Variants in FXR1 observed in about 807,000 individuals in gnomAD.
The protein encoded by FXR1 is FMR1 autosomal homolog 1.
FXR1 carries 15 observed loss-of-function variants against 84.0 expected under a neutral mutation model. The observed-to-expected ratio is 0.18, with a 90% confidence interval of 0.12 to 0.27. The LOEUF is 0.27. Among genes scored for constraint, FXR1 ranks in the 10% least tolerant of loss-of-function variants. FXR1 has a pLI of 1.00. For missense variants in FXR1, 480 were observed against 774.4 expected, an observed-to-expected ratio of 0.62 and a Z score of 4.51; for synonymous variants, 245 against 250.7, an observed-to-expected ratio of 0.98 and a Z score of 0.21.
At chr3:180,929,531 T>C (rs1455073996) in intron 1 of FXR1, among the ~76,000 whole-genome samples, 1 of 152,164 alleles carries the variant, frequency 6.6e-6, no homozygotes, top group Non-Finnish European at 1.5e-5. Context: ...CTGAGAAATA[T>C]GGGACCTGAG....
rs1448782885 is a variant in FXR1, at chr3:180,912,739, A to G, written c.51+3A>G. The G allele has an allele frequency of 6.2e-7, 1 of 1,614,038 alleles. No individual in the cohort carries two copies. The highest frequency in any genetic ancestry group is 2.2e-5 in the East Asian group (1 of 44,858). On this transcript the variant is annotated splice_donor_region_variant and intron_variant, in intron 1 of 16. Coordinates refer to ENST00000357559, the MANE Select transcript of FXR1 (RefSeq NM_005087.4). Reference sequence around the variant, plus strand: ...GCTCTAACGGGGCTTTCTACAAGGTACTGACCGTTTTGCCACTTTGTCGAG... The same window carrying G: ...GCTCTAACGGGGCTTTCTACAAGGTGCTGACCGTTTTGCCACTTTGTCGAG...
chr3:180,952,293 C>T (rs1722302743), intron 8 of FXR1, among the ~76,000 whole-genome samples: 1 of 152,106 alleles, frequency 6.6e-6, no homozygotes, highest in Non-Finnish European at 1.5e-5. Flanking sequence ...TGTGTCTTGA[C>T]TTTTCATACA....
chr3:180,970,383 A>AATAAATAAAT (rs1713379006), intron 15 of FXR1, 25 bp downstream of exon 15: 1 of 366,380 alleles, frequency 2.7e-6, no homozygotes, highest in African/African-American at 3.0e-5. Flanking sequence ...AGGGAAGAGA[A>AATAAATAAAT]ATATATATAT....
At chr3:180,917,695 T>G (rs1348330771) in intron 1 of FXR1, among the ~76,000 whole-genome samples, 4 of 152,090 alleles carry the variant, frequency 2.6e-5, no homozygotes, top group Non-Finnish European at 5.9e-5. Flanking sequence ...ATGCCTGTAA[T>G]CCCAGCACTT....
Position 180,976,874 on chromosome 3 carries a change from C to T in FXR1, c.*582C>T, listed in dbSNP as rs982658178. On this transcript the variant is annotated 3_prime_UTR_variant, in exon 17 of 17. Transcript: ENST00000357559. ...GACACTGGGCGATACTTGGCAGTGA[C>T]TGTTCTACCTTGAGGCTTTGTTTGG... is the stretch of plus-strand genomic sequence containing the variant. 2.0e-5 allele frequency: 3 copies of T among 152,592 alleles called. No individual in the cohort carries two copies. Among genetic ancestry groups the T allele is most frequent in the African/African-American group, 7.2e-5 (3 of 41,440 alleles). 9.5% of individuals were successfully genotyped at this position (152,592 alleles called of 1,614,324 possible).
chr3:180,924,997 A>T (rs1718998084), intron 1 of FXR1, among the ~76,000 whole-genome samples: 1 of 152,234 alleles, frequency 6.6e-6, no homozygotes. Context: ...ATTCATATTC[A>T]GATACCTGTG....
chr3:180,961,447 C>CTTT, intron 10 of FXR1, 21 bp from the exon 11 acceptor site: 5 of 1,039,106 alleles, frequency 4.8e-6, no homozygotes, highest in Non-Finnish European at 5.6e-6. Context: ...ACACTGAATA[C>CTTT]TTTTTTTTTT....
At chr3:180,939,595 C>T (rs1420978722) in intron 3 of FXR1, among the ~76,000 whole-genome samples, 5 of 152,156 alleles carry the variant, frequency 3.3e-5, no homozygotes, top group Non-Finnish European at 1.5e-5. Context: ...AGCCCGGGAG[C>T]TCTACCATCA....
chr3:180,952,829 T>C (rs529696478), intron 8 of FXR1, among the ~76,000 whole-genome samples: 2 of 77,960 alleles, frequency 2.6e-5, no homozygotes, highest in South Asian at 8.1e-4. Context: ...TTTTATTTGC[T>C]TTTTTTTTTT....
intron 1 of FXR1, among the ~76,000 whole-genome samples, chr3:180,925,984 A>C (rs1341739267): frequency 2.0e-5 from 3 of 152,232 alleles, no homozygotes; most frequent in African/African-American, 7.2e-5. Context: ...ACTATCTAAC[A>C]AACAGCCCAG....
At chr3:180,919,385 C>T (rs1263068434) in intron 1 of FXR1, among the ~76,000 whole-genome samples, 8 of 147,064 alleles carry the variant, frequency 5.4e-5, no homozygotes, top group African/African-American at 2.0e-4. Flanking sequence ...CCTGGGTTCA[C>T]GTGATTCTCA....
In FXR1 at chr3:180,957,802, G is replaced by C; in HGVS notation, c.881-17G>C. On this transcript the variant is annotated splice_polypyrimidine_tract_variant and intron_variant, in intron 9 of 16. Transcript: ENST00000357559. The stretch of plus-strand genomic sequence containing the variant: ...TGAGTTTTAGCTTACCATTGTATTT[G>C]TTTTCTCTTACTAAAGGAAAAGTAA... 8.5e-7 allele frequency: 1 copy of C among 1,170,360 alleles called. No homozygotes were observed. The allele number at this position is 1,170,360 out of a possible 1,614,324, so 72.5% of individuals were successfully genotyped here.
At chr3:180,913,790 C>T (rs946687675) in intron 1 of FXR1, among the ~76,000 whole-genome samples, 6 of 152,318 alleles carry the variant, frequency 3.9e-5, no homozygotes, top group Non-Finnish European at 7.3e-5. Context: ...TCTCACTAAG[C>T]CAGCATCTCA....
intron 1 of FXR1, among the ~76,000 whole-genome samples, chr3:180,927,394 G>T (rs1431141730): frequency 6.6e-6 from 1 of 152,012 alleles, no homozygotes; most frequent in Admixed American, 6.6e-5. Flanking sequence ...CCCTCATACA[G>T]TGTCATTAGG....
chr3:180,965,844 A>G (rs543142137), intron 13 of FXR1, among the ~76,000 whole-genome samples: 112 of 152,304 alleles, frequency 7.4e-4, no homozygotes, highest in Non-Finnish European at 1.2e-3. Context: ...GCTGAAATCT[A>G]TGATTTAGAC....
chr3:180,950,676 A>G (rs1722142908), intron 7 of FXR1, among the ~76,000 whole-genome samples: 1 of 151,922 alleles, frequency 6.6e-6, no homozygotes, highest in Non-Finnish European at 1.5e-5. Context: ...CCATCATTCT[A>G]TTTTCTGTTG....
intron 8 of FXR1, among the ~76,000 whole-genome samples, chr3:180,951,807 G>T (rs191443278): frequency 2.6e-5 from 4 of 152,308 alleles, no homozygotes; most frequent in Admixed American, 2.6e-4. Context: ...GGAGTAAATG[G>T]CATATATTAG....
At position 180,979,931 on chromosome 3, in the gene FXR1, T is replaced by C. The variant is rs1410002944; in HGVS notation, c.*3639T>C. 1 of 152,118 alleles carries C rather than the reference T, an allele frequency of 6.6e-6. No homozygotes were observed. The highest frequency in any genetic ancestry group is 1.5e-5 in the Non-Finnish European group (1 of 67,960). 9.4% of individuals were successfully genotyped at this position (152,118 alleles called of 1,614,324 possible). ...CAAAAATTCCCCTGGAAAAACTATA[T>C]TCTAGTTTTGTAAGATGATTTCCCA... On this transcript the variant is annotated 3_prime_UTR_variant, in exon 17 of 17. Coordinates refer to ENST00000357559, the MANE Select transcript of FXR1 (RefSeq NM_005087.4).
At position 180,961,573 on chromosome 3, in the gene FXR1, C is replaced by G; in HGVS notation, c.1077+19C>G. ...TCTAAAGGTTTGTATACGGTTCATA[C>G]TATATTCTGATATTGTTGCTGCATT... On this transcript the variant is annotated intron_variant, in intron 11 of 16. Coordinates refer to ENST00000357559, the MANE Select transcript of FXR1 (RefSeq NM_005087.4). The G allele has an allele frequency of 9.0e-7, 1 of 1,107,784 alleles. No homozygotes were observed. 68.6% of individuals were successfully genotyped at this position (1,107,784 alleles called of 1,614,324 possible).
Sources: allele counts gnomAD v4.1 joint callset (sites outside exome capture counted in the v4.1 genomes callset), GRCh38; gene constraint gnomAD v4.1.1; transcripts MANE v1.5; gene names NCBI Gene and HGNC (gene_info 2026-07-23, HGNC 2026-07-21).